Variants in MAGI1 observed in about 807,000 individuals in gnomAD.
MAGI1 encodes the protein membrane-associated guanylate kinase, WW and PDZ domain-containing protein 1.
Under a neutral mutation model 139.9 loss-of-function variants are expected in MAGI1, and 58 were observed. That is an observed-to-expected ratio of 0.41 (90% CI 0.34 to 0.52). MAGI1 has a LOEUF of 0.52. MAGI1 is among the 20% of genes least tolerant of loss of function. The pLI is 0.12. For missense variants in MAGI1, 1,874 were observed against 1,901.6 expected (o/e 0.99, Z 0.27); for synonymous variants, 812 against 737.9 (o/e 1.10, Z -1.63).
chr3:65,746,992 G>C (rs528688838), intron 1 of MAGI1, among the ~76,000 whole-genome samples: 21 of 152,326 alleles, frequency 1.4e-4, no homozygotes, highest in African/African-American at 4.8e-4. Context: ...AAGACGCCTT[G>C]ATGAGGCACA....
intron 1 of MAGI1, among the ~76,000 whole-genome samples, chr3:65,650,484 AG>A (rs1172457987): frequency 6.6e-6 from 1 of 152,240 alleles, no homozygotes; most frequent in African/African-American, 2.4e-5. Flanking sequence ...TACATGCAAC[AG>A]CCTAGAGGAA....
intron 12 of MAGI1, among the ~76,000 whole-genome samples, chr3:65,418,991 T>C (rs1167957212): frequency 1.3e-5 from 2 of 152,206 alleles, no homozygotes; most frequent in East Asian, 3.9e-4. Context: ...TTTCCTGTTC[T>C]TTCTTCTATC....
At chr3:65,629,920 G>T (rs1361236152) in intron 1 of MAGI1, among the ~76,000 whole-genome samples, 1 of 151,958 alleles carries the variant, frequency 6.6e-6, no homozygotes, top group Admixed American at 6.6e-5. Context: ...TTAAGAAAGG[G>T]AAAAATGGTC....
intron 2 of MAGI1, among the ~76,000 whole-genome samples, chr3:65,531,699 G>A (rs977221458): frequency 1.4e-4 from 22 of 152,132 alleles, no homozygotes; most frequent in Admixed American, 1.4e-3. Context: ...TACACGCCTT[G>A]GGGCCAGACT....
chr3:65,975,497 T>C (rs988104842), intron 1 of MAGI1, among the ~76,000 whole-genome samples: 5 of 152,134 alleles, frequency 3.3e-5, no homozygotes, highest in African/African-American at 1.2e-4. Context: ...GGCTCAAGCC[T>C]GTAATCCCAG....
chr3:65,788,424 G>A (rs2039537597), intron 1 of MAGI1, among the ~76,000 whole-genome samples: 1 of 152,124 alleles, frequency 6.6e-6, no homozygotes, highest in African/African-American at 2.4e-5. Context: ...GGAAGCCAGT[G>A]GCTAGTATGT....
intron 1 of MAGI1, among the ~76,000 whole-genome samples, chr3:65,816,658 A>T (rs1470935744): frequency 1.3e-5 from 2 of 152,082 alleles, no homozygotes; most frequent in African/African-American, 2.4e-5. Flanking sequence ...AAAAAAGATC[A>T]ATGCCATGGA....
chr3:66,037,515 G>A (rs79874638), intron 1 of MAGI1, among the ~76,000 whole-genome samples: 2 of 152,118 alleles, frequency 1.3e-5, no homozygotes, highest in Non-Finnish European at 2.9e-5. Context: ...CACCTGGAGG[G>A]GTCGCGGGGT....
chr3:66,003,882 A>T (rs2066881673), intron 1 of MAGI1: 1 of 152,198 alleles, frequency 6.6e-6, no homozygotes, highest in Non-Finnish European at 1.5e-5. Flanking sequence ...GAAAGAACAA[A>T]GAAATCTGTA....
chr3:65,477,692 C>CATTATTATTATTATT (rs145971501), intron 4 of MAGI1, among the ~76,000 whole-genome samples: 7 of 138,614 alleles, frequency 5.0e-5, no homozygotes, highest in South Asian at 4.7e-4. Flanking sequence ...GAACACGCAA[C>CATTATTATTATTATT]ATTATTATTA....
At chr3:65,903,232 G>A (rs891744472) in intron 1 of MAGI1, among the ~76,000 whole-genome samples, 5 of 152,110 alleles carry the variant, frequency 3.3e-5, no homozygotes, top group African/African-American at 7.2e-5. Flanking sequence ...GGGCTCAAAC[G>A]ATCCTCCCAC....
At position 65,930,604 on chromosome 3, in the gene MAGI1, G is replaced by A. The variant is rs565067882; in HGVS notation, c.313+107392C>T. Among the ~76,000 whole-genome samples the A allele has an allele frequency of 2.6e-5, 4 of 152,258 alleles. No homozygotes were observed. The South Asian group carries it at 6.2e-4, about 24-fold the overall frequency. ...TACCTACTGGGCTGCATTCCCAGGA[G>A]GTTGGGCATTCTAAGTTACAGGATC... On this transcript the variant is annotated intron_variant, in intron 1 of 22. Coordinates refer to ENST00000402939, the MANE Select transcript of MAGI1 (RefSeq NM_001033057.2).
chr3:65,732,531 T>G (rs774139299), intron 1 of MAGI1, among the ~76,000 whole-genome samples: 1 of 152,206 alleles, frequency 6.6e-6, no homozygotes, highest in African/African-American at 2.4e-5. Flanking sequence ...CTCTAGAGGA[T>G]ATCAGCATTA....
At chr3:65,848,811 G>T (rs973299019) in intron 1 of MAGI1, among the ~76,000 whole-genome samples, 1 of 151,826 alleles carries the variant, frequency 6.6e-6, no homozygotes, top group Non-Finnish European at 1.5e-5. Flanking sequence ...AAGACTTCCT[G>T]CCATAGTACA....
chr3:65,852,979 C>CA (rs57460083), intron 1 of MAGI1, among the ~76,000 whole-genome samples: 25,352 of 104,096 alleles, frequency 0.24, 2,940 homozygotes, highest in East Asian at 0.47. Flanking sequence ...ACTAAAAATA[C>CA]AAAAAAAAAA....
chr3:65,940,864 C>A (rs1560036289), intron 1 of MAGI1, among the ~76,000 whole-genome samples: 1 of 152,120 alleles, frequency 6.6e-6, no homozygotes, highest in Non-Finnish European at 1.5e-5. Flanking sequence ...TCCTCACAAA[C>A]CCCAAACCTT....
intron 12 of MAGI1, among the ~76,000 whole-genome samples, chr3:65,424,035 T>C (rs1946823726): frequency 6.6e-6 from 1 of 152,196 alleles, no homozygotes. Flanking sequence ...CATCATCACA[T>C]TGCAAATTGG....
intron 1 of MAGI1, among the ~76,000 whole-genome samples, chr3:65,881,734 G>A (rs264706): frequency 0.042 from 6,405 of 152,234 alleles, 449 homozygotes; most frequent in African/African-American, 0.15. Context: ...TAGGTGTACA[G>A]GAATGTGTTC....
chr3:65,361,888 G>C (rs928011216), intron 21 of MAGI1, among the ~76,000 whole-genome samples: 3 of 152,326 alleles, frequency 2.0e-5, no homozygotes, highest in Middle Eastern at 3.4e-3. Flanking sequence ...TAACAACCAC[G>C]TGAGTGAGCT....
Sources: gnomAD v4.1 joint callset for allele counts (sites outside exome capture counted in the v4.1 genomes callset) on GRCh38, gnomAD v4.1.1 for gene constraint, MANE v1.5 for transcripts, NCBI Gene and HGNC (gene_info 2026-07-23, HGNC 2026-07-21) for gene names.